LARGE1: variants seen among roughly 807,000 people sequenced by gnomAD.
The protein encoded by LARGE1 is LARGE xylosyl- and glucuronyltransferase 1, also known as xylosyl- and glucuronyltransferase LARGE1.
LARGE1 carries 43 observed loss-of-function variants against 87.6 expected under a neutral mutation model. That is an observed-to-expected ratio of 0.49 (90% CI 0.38 to 0.63). LARGE1 has a LOEUF of 0.63. Ranked by LOEUF, LARGE1 falls within the 30% of genes least tolerant of loss-of-function variation. The pLI, the probability that LARGE1 is intolerant of heterozygous loss-of-function variation, is 0.00. For synonymous variants in LARGE1, 434 were observed against 394.6 expected (o/e 1.10, Z -1.18); for missense variants, 802 against 1,000.2 (o/e 0.80, Z 2.67).
At chr22:33,702,010 A>T (rs1266147942) in intron 2 of LARGE1, among the ~76,000 whole-genome samples, 2 of 152,176 alleles carry the variant, frequency 1.3e-5, no homozygotes, top group Non-Finnish European at 2.9e-5. Context: ...CTCTGTCATA[A>T]AAACCTGTCC....
At chr22:33,610,647 G>T (rs956024218) in intron 4 of LARGE1, among the ~76,000 whole-genome samples, 2 of 152,152 alleles carry the variant, frequency 1.3e-5, no homozygotes, top group African/African-American at 4.8e-5. Flanking sequence ...GGTGGTGGGT[G>T]GTGGGGGAGA....
intron 6 of LARGE1, among the ~76,000 whole-genome samples, chr22:33,450,052 C>T (rs1601889604): frequency 1.3e-5 from 2 of 151,998 alleles, no homozygotes; most frequent in African/African-American, 4.8e-5. Flanking sequence ...GCTGGAACTA[C>T]AGGCACCCGC....
intron 6 of LARGE1, among the ~76,000 whole-genome samples, chr22:33,519,572 C>G (rs943106772): frequency 6.6e-6 from 1 of 152,154 alleles, no homozygotes; most frequent in Admixed American, 6.6e-5. Flanking sequence ...CCCACCCACA[C>G]TGGGAGTTTA....
chr22:33,830,650 A>G (rs2062938683), intron 1 of LARGE1, among the ~76,000 whole-genome samples: 1 of 152,204 alleles, frequency 6.6e-6, no homozygotes, highest in Non-Finnish European at 1.5e-5. Context: ...AAGCTTATAG[A>G]GACTGGAAAT....
intron 7 of LARGE1, among the ~76,000 whole-genome samples, chr22:33,397,595 C>T (rs2065793180): frequency 6.6e-6 from 1 of 152,192 alleles, no homozygotes. Context: ...GAATATCTTA[C>T]TCTACCCATT....
At chr22:33,370,908 ATAG>A (rs2064784073) in intron 9 of LARGE1, among the ~76,000 whole-genome samples, 1 of 149,772 alleles carries the variant, frequency 6.7e-6, no homozygotes, top group Admixed American at 6.7e-5. Flanking sequence ...ATAACAATGA[ATAG>A]TATTCATATA....
intron 1 of LARGE1, among the ~76,000 whole-genome samples, chr22:33,803,046 C>T (rs767617103): frequency 1.1e-4 from 16 of 152,114 alleles, no homozygotes; most frequent in East Asian, 3.8e-4. Context: ...TAAAAGATGA[C>T]GACGGATACC....
Position 33,628,896 on chromosome 22 carries a change from G to A in LARGE1, c.409-2570C>T, listed in dbSNP as rs2080015351. ...ATGCTACTGGCATCTGTGAGTAGAG[G>A]CCAGGGATGCTGCTCAGCATCCCAC... On this transcript the variant is annotated intron_variant, in intron 3 of 14. Coordinates refer to ENST00000397394, the MANE Select transcript of LARGE1 (RefSeq NM_133642.5). 1.3e-5 allele frequency among the ~76,000 whole-genome samples: 2 copies of A among 152,084 alleles called. 1 individual carries two copies. Among genetic ancestry groups the A allele is most frequent in the Admixed American group, 1.3e-4 (2 of 15,262 alleles).
In LARGE1 at chr22:33,432,103, A is replaced by G. The variant is rs186479270; in HGVS notation, c.892+58T>C. The G allele has an allele frequency of 3.0e-6, 4 of 1,346,588 alleles. No homozygotes were observed. In the Admixed American group the frequency reaches 6.7e-5, roughly 23 times the overall value. 83.4% of individuals were successfully genotyped at this position (1,346,588 alleles called of 1,614,324 possible). A position where few individuals can be genotyped will look rare whatever the true frequency, so the allele number is the denominator to read the frequency against. ...TTGCAATCTCCTCTCCTGCGGAAGG[A>G]GCACTGGGTCCTCATATCACCTTCT... On this transcript the variant is annotated intron_variant, in intron 7 of 14. Coordinates refer to ENST00000397394, the MANE Select transcript of LARGE1 (RefSeq NM_133642.5).
At chr22:33,867,748 G>C (rs562646466) in intron 1 of LARGE1, among the ~76,000 whole-genome samples, 2 of 152,134 alleles carry the variant, frequency 1.3e-5, no homozygotes, top group African/African-American at 4.8e-5. Flanking sequence ...CTCCTTTTTT[G>C]TTTAGTAAGT....
intron 7 of LARGE1, among the ~76,000 whole-genome samples, chr22:33,399,328 T>C (rs2065861109): frequency 6.6e-6 from 1 of 152,260 alleles, no homozygotes; most frequent in South Asian, 2.1e-4. Context: ...TTCTTTTTTA[T>C]GGCTGCATAG....
chr22:33,682,944 T>C (rs1489726545), intron 2 of LARGE1, among the ~76,000 whole-genome samples: 1 of 152,170 alleles, frequency 6.6e-6, no homozygotes, highest in Non-Finnish European at 1.5e-5. Context: ...AGGTTAGTAA[T>C]GAAAACAATG....
At chr22:33,376,077 T>TC (rs1175367928) in intron 9 of LARGE1, among the ~76,000 whole-genome samples, 1 of 152,240 alleles carries the variant, frequency 6.6e-6, no homozygotes, top group African/African-American at 2.4e-5. Flanking sequence ...TTCTTTTTTT[T>TC]CTTCCAGAAA....
the LARGE1 span, among the ~76,000 whole-genome samples, chr22:33,096,774 C>T: frequency 1.3e-5 from 2 of 152,062 alleles, no homozygotes; most frequent in African/African-American, 4.8e-5. Context: ...ACTGTGTTAG[C>T]CAGGATGGTC....
intron 3 of LARGE1, among the ~76,000 whole-genome samples, chr22:33,640,226 G>A (rs1289570142): frequency 1.3e-5 from 2 of 152,172 alleles, no homozygotes; most frequent in African/African-American, 4.8e-5. Flanking sequence ...GACACCAAAT[G>A]AGGGAGTGAG....
the LARGE1 span, among the ~76,000 whole-genome samples, chr22:33,078,805 G>A: frequency 1.3e-5 from 2 of 152,224 alleles, no homozygotes; most frequent in Non-Finnish European, 2.9e-5. Flanking sequence ...TAAAGGCACA[G>A]AGGGTCACAG....
At chr22:33,320,351 C>T (rs146460624) in intron 10 of LARGE1, among the ~76,000 whole-genome samples, 2 of 152,256 alleles carry the variant, frequency 1.3e-5, no homozygotes, top group East Asian at 1.9e-4. Flanking sequence ...AAAAACCTTC[C>T]ATTTACCTTT....
the LARGE1 span, among the ~76,000 whole-genome samples, chr22:33,102,948 A>G: frequency 2.0e-5 from 3 of 152,156 alleles, no homozygotes; most frequent in African/African-American, 7.2e-5. Context: ...CCGAAAGAAA[A>G]AACTTCTTCC....
intron 2 of LARGE1, among the ~76,000 whole-genome samples, chr22:33,686,994 T>C (rs933031627): frequency 6.6e-6 from 1 of 152,208 alleles, no homozygotes; most frequent in African/African-American, 2.4e-5. Flanking sequence ...TCACGGATGC[T>C]GACCTAACTC....
Sources: gnomAD v4.1 joint callset for allele counts (sites outside exome capture counted in the v4.1 genomes callset) on GRCh38, gnomAD v4.1.1 for gene constraint, MANE v1.5 for transcripts, NCBI Gene and HGNC (gene_info 2026-07-23, HGNC 2026-07-21) for gene names.